SRRM4: variants seen among roughly 807,000 people sequenced by gnomAD.
SRRM4 encodes serine/arginine repetitive matrix 4.
Under a neutral mutation model 68.9 loss-of-function variants are expected in SRRM4, and 33 were observed. That is an observed-to-expected ratio of 0.48 (90% CI 0.36 to 0.64). The LOEUF is 0.64. Ranked by LOEUF, SRRM4 falls within the 30% of genes least tolerant of loss-of-function variation. The pLI is 0.00. For missense variants in SRRM4, 817 were observed against 827.1 expected, an observed-to-expected ratio of 0.99 and a Z score of 0.15; for synonymous variants, 318 against 318.8, an observed-to-expected ratio of 1.00 and a Z score of 0.03.
intron 1 of SRRM4, among the ~76,000 whole-genome samples, chr12:119,084,039 A>G (rs1953965343): frequency 6.6e-6 from 1 of 152,162 alleles, no homozygotes; most frequent in East Asian, 1.9e-4. Flanking sequence ...AATCCTCACT[A>G]CGGCCCTACA....
At chr12:119,088,651 G>T (rs1042709236) in intron 1 of SRRM4, among the ~76,000 whole-genome samples, 1 of 148,202 alleles carries the variant, frequency 6.7e-6, no homozygotes, top group Non-Finnish European at 1.5e-5. Context: ...GTGCAGTAAA[G>T]AATTGATTCC....
At chr12:119,027,000 A>T (rs1380725637) in intron 1 of SRRM4, among the ~76,000 whole-genome samples, 1 of 152,104 alleles carries the variant, frequency 6.6e-6, no homozygotes, top group African/African-American at 2.4e-5. Context: ...TTGGGGAAAA[A>T]TTTCTCCTTC....
At chr12:119,148,549 T>C (rs986615218) in intron 9 of SRRM4, among the ~76,000 whole-genome samples, 2 of 152,230 alleles carry the variant, frequency 1.3e-5, no homozygotes, top group African/African-American at 4.8e-5. Context: ...TGCCAAATGC[T>C]TTCCAGAAAT....
chr12:119,103,421 C>T (rs762178817), intron 2 of SRRM4, among the ~76,000 whole-genome samples: 5 of 152,144 alleles, frequency 3.3e-5, no homozygotes, highest in Admixed American at 2.0e-4. Context: ...CACCCTTTCT[C>T]GTCAAGTTGT....
rs905521111 is a variant in SRRM4, at chr12:119,038,360, C to T, written c.131+56347C>T. Among the ~76,000 whole-genome samples, 21 of 152,086 alleles carry T rather than the reference C, an allele frequency of 1.4e-4. No individual in the cohort carries two copies. The East Asian group carries it at 2.3e-3, about 17-fold the overall frequency. On this transcript the variant is annotated intron_variant, in intron 1 of 12. Transcript: ENST00000267260. The stretch of plus-strand genomic sequence containing the variant: ...CCGAGTAGCTGGGACTACAGGCACC[C>T]GCCACCATGCCTGGCTAATTTTTTG...
At chr12:119,061,339 G>T (rs545512755) in intron 1 of SRRM4, among the ~76,000 whole-genome samples, 25 of 152,256 alleles carry the variant, frequency 1.6e-4, no homozygotes, top group African/African-American at 6.0e-4. Flanking sequence ...GGGTGTGTTG[G>T]CAGAACTTCC....
At chr12:119,148,931 G>T (rs919830445) in intron 9 of SRRM4, among the ~76,000 whole-genome samples, 1 of 152,176 alleles carries the variant, frequency 6.6e-6, no homozygotes, top group Non-Finnish European at 1.5e-5. Context: ...GACACTGAAG[G>T]TAGGGAGCTG....
At chr12:119,131,491 G>C (rs1019454511) in intron 8 of SRRM4, among the ~76,000 whole-genome samples, 6 of 152,186 alleles carry the variant, frequency 3.9e-5, no homozygotes, top group Non-Finnish European at 8.8e-5. Flanking sequence ...AGCAAGGCAA[G>C]AGTTAATCCA....
rs143184535 is a variant in SRRM4 at position 119,002,637 on chromosome 12, T to C, written c.131+20624T>C. Among the ~76,000 whole-genome samples, 35 of 152,302 alleles carry C rather than the reference T, an allele frequency of 2.3e-4. No homozygotes were observed. The East Asian group carries it at 5.6e-3, about 24-fold the overall frequency. On this transcript the variant is annotated intron_variant, in intron 1 of 12. Coordinates refer to ENST00000267260, the MANE Select transcript of SRRM4 (RefSeq NM_194286.4). ...ACTATAATATTTTTATTTAGTTATC[T>C]CCAGAAAGTTTTTCCTGTCTGATAC...
chr12:119,084,501 T>G (rs1256874158), intron 1 of SRRM4, among the ~76,000 whole-genome samples: 4 of 152,238 alleles, frequency 2.6e-5, no homozygotes, highest in Non-Finnish European at 5.9e-5. Context: ...TCCAGTGGAC[T>G]ATTTGTAGCT....
At chr12:119,083,021 T>C (rs1050851354) in intron 1 of SRRM4, among the ~76,000 whole-genome samples, 2 of 151,686 alleles carry the variant, frequency 1.3e-5, no homozygotes, top group African/African-American at 4.8e-5. Context: ...ATAAGGGGAG[T>C]GAAGTCTGGT....
intron 1 of SRRM4, among the ~76,000 whole-genome samples, chr12:119,051,917 A>G (rs1054565535): frequency 1.3e-5 from 2 of 152,222 alleles, no homozygotes; most frequent in African/African-American, 2.4e-5. Context: ...CTGCACTTCT[A>G]TTACTACCTA....
intron 1 of SRRM4, among the ~76,000 whole-genome samples, chr12:119,101,544 G>T (rs1232986095): frequency 6.6e-6 from 1 of 151,792 alleles, no homozygotes; most frequent in African/African-American, 2.4e-5. Context: ...AGGCCTTTCT[G>T]CTTGTATATT....
intron 1 of SRRM4, among the ~76,000 whole-genome samples, chr12:119,019,308 T>C (rs1230888006): frequency 5.3e-5 from 8 of 152,176 alleles, no homozygotes; most frequent in African/African-American, 1.4e-4. Flanking sequence ...CAAAGACACG[T>C]CAACCATCCC....
At chr12:119,147,629 TA>T (rs201756702) in intron 9 of SRRM4, among the ~76,000 whole-genome samples, 6,453 of 152,292 alleles carry the variant, frequency 0.042, 202 homozygotes, top group Middle Eastern at 0.068. Flanking sequence ...AAAACTGCTC[TA>T]AAAAATAAAG....
intron 1 of SRRM4, among the ~76,000 whole-genome samples, chr12:119,084,362 T>C (rs1953967451): frequency 6.6e-6 from 1 of 152,216 alleles, no homozygotes; most frequent in Non-Finnish European, 1.5e-5. Context: ...CAGCAGGATA[T>C]GAGGACTAGA....
In SRRM4 at chr12:119,122,127, A is replaced by T; in HGVS notation, c.515+7A>T. On this transcript the variant is annotated splice_region_variant and intron_variant, in intron 6 of 12. Transcript: ENST00000267260. ...AGAAGAGGCACAAGAAACAGTAAGT[A>T]GATACTACCTGGAATGTACTCATCA... 1 of 1,598,772 alleles carries T rather than the reference A, an allele frequency of 6.3e-7. No homozygotes were observed. The highest frequency in any genetic ancestry group is 2.2e-5 in the East Asian group (1 of 44,818).
intron 9 of SRRM4, among the ~76,000 whole-genome samples, chr12:119,146,420 C>G (rs1954402317): frequency 6.6e-6 from 1 of 151,180 alleles, no homozygotes; most frequent in Non-Finnish European, 1.5e-5. Context: ...AACCCTGTCT[C>G]TACTAGAAAT....
rs1541764 is a variant in SRRM4, at chr12:119,162,568, A to G, written c.*5770A>G. 0.47 allele frequency: 71,593 copies of G among 152,058 alleles called. 17,038 individuals are homozygous for G. Among genetic ancestry groups the G allele is most frequent in the African/African-American group, 0.54 (22,300 of 41,450 alleles). 9.4% of individuals were successfully genotyped at this position (152,058 alleles called of 1,614,324 possible). On this transcript the variant is annotated 3_prime_UTR_variant, in exon 13 of 13. Coordinates refer to ENST00000267260, the MANE Select transcript of SRRM4 (RefSeq NM_194286.4). ...GCCCAAGCTCCCTTGAGCTCAGATC[A>G]GCTTGACTCAATGTCCAACATTCCC... is the stretch of plus-strand genomic sequence containing the variant.
Sources: gnomAD v4.1 joint callset for allele counts (sites outside exome capture counted in the v4.1 genomes callset) on GRCh38, gnomAD v4.1.1 for gene constraint, MANE v1.5 for transcripts, NCBI Gene and HGNC (gene_info 2026-07-23, HGNC 2026-07-21) for gene names.